Variants in WDHD1 observed in about 807,000 individuals in gnomAD.
WDHD1 encodes the protein WD repeat and HMG-box DNA binding protein 1.
A neutral mutation model predicts 135.4 loss-of-function variants in WDHD1; 111 were observed. The ratio of observed to expected loss-of-function variants is 0.82; its 90% CI spans 0.70 to 0.96. The LOEUF is 0.96. Ranked by LOEUF, WDHD1 falls within the 40% of genes least tolerant of loss-of-function variation. The probability of loss-of-function intolerance (pLI) is 0.00; values close to 1 mark genes in which losing one functional copy is unlikely to be tolerated. For missense variants in WDHD1, 1,351 were observed against 1,336.3 expected, an observed-to-expected ratio of 1.01 and a Z score of -0.17; for synonymous variants, 434 against 439.0, an observed-to-expected ratio of 0.99 and a Z score of 0.14.
chr14:54,941,721 GA>G, intron 25 of WDHD1, 31 bp from the exon 26 acceptor site: 1 of 1,552,978 alleles, frequency 6.4e-7, no homozygotes, highest in Non-Finnish European at 8.7e-7. Flanking sequence ...GAAAAGGAAA[GA>G]TTTTTAGAAA....
chr14:54,980,992 T>C (rs537866271), intron 16 of WDHD1, among the ~76,000 whole-genome samples: 1 of 151,512 alleles, frequency 6.6e-6, no homozygotes, highest in East Asian at 2.0e-4. Flanking sequence ...GCACCTATAA[T>C]CCCAGCTACT....
At chr14:54,954,261 GGGCAACAA>G in intron 24 of WDHD1, among the ~76,000 whole-genome samples, 1 of 152,104 alleles carries the variant, frequency 6.6e-6, no homozygotes, top group Non-Finnish European at 1.5e-5. Flanking sequence ...ACTCCAGCCT[GGGCAACAA>G]GAGCGAAACT....
At position 55,027,028 on chromosome 14, in the gene WDHD1, C is replaced by G; in HGVS notation, c.-17G>C. ...GCGGGCAGCCGGAGTGGGGACTCACCCGGGTGACCGAGCCTCCGCCACTGA... is the reference window on the plus strand; with the variant it reads ...GCGGGCAGCCGGAGTGGGGACTCACGCGGGTGACCGAGCCTCCGCCACTGA... On this transcript the variant is annotated splice_region_variant and 5_prime_UTR_variant, in exon 1 of 26. Coordinates refer to ENST00000360586, the MANE Select transcript of WDHD1 (RefSeq NM_007086.4). 3 of 509,716 alleles carry G rather than the reference C, an allele frequency of 5.9e-6. No individual in the cohort carries two copies. The highest frequency in any genetic ancestry group is 4.5e-5 in the South Asian group (2 of 44,260). 31.6% of individuals were successfully genotyped at this position (509,716 alleles called of 1,614,324 possible). A position where few individuals can be genotyped will look rare whatever the true frequency, so the allele number is the denominator to read the frequency against.
intron 24 of WDHD1, among the ~76,000 whole-genome samples, chr14:54,947,555 A>C (rs1034710917): frequency 6.6e-6 from 1 of 152,160 alleles, no homozygotes; most frequent in African/African-American, 2.4e-5. Flanking sequence ...GAGAAAAATG[A>C]GATATATTAT....
intron 24 of WDHD1, among the ~76,000 whole-genome samples, chr14:54,945,923 T>C (rs1282382113): frequency 2.0e-5 from 3 of 152,196 alleles, no homozygotes; most frequent in African/African-American, 7.2e-5. Flanking sequence ...GTCTAAACTT[T>C]TTAAGGTTAA....
intron 16 of WDHD1, among the ~76,000 whole-genome samples, chr14:54,980,576 G>A (rs2041601129): frequency 2.0e-5 from 3 of 150,050 alleles, no homozygotes; most frequent in Non-Finnish European, 4.4e-5. Context: ...GATCACTTGA[G>A]GTGGATCACT....
At position 54,957,136 on chromosome 14, in the gene WDHD1, AT is replaced by A; in HGVS notation, c.2813del (p.Asn938IlefsTer24). ...NSARSTNILDNMGKSSKKSTA... is the reference protein window; with the variant it reads ...NSARSTNILDXMGKSSKKSTA... ...TGGATTTCTTGGATGATTTGCCCATATTGTCTAAAATATTAGTTGAACGTGC... is the reference window on the plus strand; with the variant it reads ...TGGATTTCTTGGATGATTTGCCCATATGTCTAAAATATTAGTTGAACGTGC... On this transcript the variant is annotated frameshift_variant, in exon 23 of 26. Coordinates refer to ENST00000360586, the MANE Select transcript of WDHD1 (RefSeq NM_007086.4). LOFTEE classifies it high-confidence loss of function. The A allele has an allele frequency of 1.2e-6, 2 of 1,614,158 alleles. No individual in the cohort carries two copies. Among genetic ancestry groups the A allele is most frequent in the South Asian group, 2.2e-5 (2 of 91,080 alleles).
chr14:54,942,530 C>T (rs1304664956), intron 25 of WDHD1, among the ~76,000 whole-genome samples: 2 of 152,142 alleles, frequency 1.3e-5, no homozygotes, highest in African/African-American at 4.8e-5. Context: ...AGTCAAAATA[C>T]AGAACCTCTT....
chr14:55,024,395 A>T (rs1379253716), intron 2 of WDHD1, among the ~76,000 whole-genome samples: 1 of 152,216 alleles, frequency 6.6e-6, no homozygotes, highest in African/African-American at 2.4e-5. Context: ...CGTAACATTC[A>T]GAAATGTAGA....
chr14:54,973,886 A>G (rs1368005595), intron 16 of WDHD1, among the ~76,000 whole-genome samples: 1 of 152,204 alleles, frequency 6.6e-6, no homozygotes, highest in East Asian at 1.9e-4. Flanking sequence ...CCACATTTAC[A>G]TCAAAGCAGA....
chr14:54,990,875 T>C (rs1016181108), intron 12 of WDHD1, among the ~76,000 whole-genome samples: 1 of 152,224 alleles, frequency 6.6e-6, no homozygotes, highest in African/African-American at 2.4e-5. Flanking sequence ...TACTAGTGTT[T>C]TGGAGTCAGT....
intron 2 of WDHD1, among the ~76,000 whole-genome samples, chr14:55,013,910 GA>G (rs904865759): frequency 9.5e-4 from 140 of 147,324 alleles, no homozygotes; most frequent in African/African-American, 3.1e-3. Flanking sequence ...CTATCTCAAG[GA>G]AAAAAAAAAG....
At chr14:55,006,741 T>C (rs1463205481) in intron 7 of WDHD1, among the ~76,000 whole-genome samples, 1 of 152,160 alleles carries the variant, frequency 6.6e-6, no homozygotes, top group East Asian at 1.9e-4. Flanking sequence ...AACAAAAATA[T>C]AAAATTAATT....
At chr14:55,005,310 G>A (rs1164493722) in intron 7 of WDHD1, 5 of 551,858 alleles carry the variant, frequency 9.1e-6, no homozygotes, top group Non-Finnish European at 1.8e-5. Flanking sequence ...TCAGCACTGG[G>A]ATTAGTCACC....
Position 54,977,059 on chromosome 14 carries a change from CTATAT to C in WDHD1, c.2063+4476_2063+4480del, listed in dbSNP as rs1440529607. Among the ~76,000 whole-genome samples the C allele has an allele frequency of 2.6e-5, 4 of 151,518 alleles. No homozygotes were observed. The East Asian group carries it at 7.7e-4, about 29-fold the overall frequency. On this transcript the variant is annotated intron_variant, in intron 16 of 25. Coordinates refer to ENST00000360586, the MANE Select transcript of WDHD1 (RefSeq NM_007086.4). ...ACTTATCAGCTAACTCCCTTTGTTC[CTATAT>C]TTTAATACAAAAAAATAAGGTTGTT...
chr14:54,968,839 G>C (rs2041385650), intron 16 of WDHD1, among the ~76,000 whole-genome samples: 1 of 152,112 alleles, frequency 6.6e-6, no homozygotes, highest in African/African-American at 2.4e-5. Context: ...TCAGAAGTTT[G>C]ACACCACCCT....
chr14:54,971,495 A>G (rs2041431394), intron 16 of WDHD1, among the ~76,000 whole-genome samples: 3 of 152,194 alleles, frequency 2.0e-5, no homozygotes, highest in Admixed American at 6.5e-5. Flanking sequence ...ATATGCACAC[A>G]CACAAAATAC....
chr14:55,002,993 C>T (rs1183010930), intron 7 of WDHD1, among the ~76,000 whole-genome samples: 1 of 152,056 alleles, frequency 6.6e-6, no homozygotes, highest in African/African-American at 2.4e-5. Context: ...TCTTGAAAAA[C>T]AAGAAATGTA....
intron 18 of WDHD1, among the ~76,000 whole-genome samples, chr14:54,964,960 T>C (rs543878638): frequency 2.0e-4 from 31 of 152,348 alleles, no homozygotes; most frequent in African/African-American, 7.2e-4. Flanking sequence ...AATAAAACTT[T>C]TTCTACAATA....
Sources: allele counts gnomAD v4.1 joint callset (sites outside exome capture counted in the v4.1 genomes callset), GRCh38; gene constraint gnomAD v4.1.1; transcripts MANE v1.5; gene names NCBI Gene and HGNC (gene_info 2026-07-23, HGNC 2026-07-21).